The following GALNT14 variants were observed in gnomAD, a reference collection of about 807,000 sequenced individuals.
The protein encoded by GALNT14 is polypeptide N-acetylgalactosaminyltransferase 14, also known as UDP-GalNAc:polypeptide N-acetylgalactosaminyltransferase 14.
A neutral mutation model predicts 77.5 loss-of-function variants in GALNT14; 60 were observed. The observed-to-expected ratio is 0.77, with a 90% CI of 0.63 to 0.96. GALNT14 has a LOEUF of 0.96. GALNT14 is among the 40% of genes least tolerant of loss of function. The pLI is 0.00. For synonymous variants in GALNT14, 280 were observed against 281.7 expected, an observed-to-expected ratio of 0.99 and a Z score of 0.06; for missense variants, 710 against 731.0, an observed-to-expected ratio of 0.97 and a Z score of 0.33.
chr2:31,135,825 G>A (rs967952888), intron 1 of GALNT14, among the ~76,000 whole-genome samples: 2 of 152,122 alleles, frequency 1.3e-5, no homozygotes, highest in Non-Finnish European at 2.9e-5. Flanking sequence ...GCTCATCATA[G>A]CAGCCCCCAA....
chr2:30,984,927 A>G (rs1669202555), intron 2 of GALNT14, among the ~76,000 whole-genome samples: 1 of 152,020 alleles, frequency 6.6e-6, no homozygotes, highest in Non-Finnish European at 1.5e-5. Flanking sequence ...GTGCCTGAAC[A>G]CTGAGGGCAG....
chr2:30,887,638 G>A, the GALNT14 span, among the ~76,000 whole-genome samples: 4 of 152,120 alleles, frequency 2.6e-5, no homozygotes, highest in Non-Finnish European at 5.9e-5. Context: ...CCAGAGATAC[G>A]ATTTGCAATA....
At chr2:30,989,630 A>T (rs6709691) in intron 2 of GALNT14, among the ~76,000 whole-genome samples, 1 of 140,252 alleles carries the variant, frequency 7.1e-6, no homozygotes, top group African/African-American at 2.7e-5. Context: ...TAGTATATAT[A>T]AAAATATATA....
chr2:30,911,402 G>A (rs1403504059), intron 14 of GALNT14, among the ~76,000 whole-genome samples: 2 of 152,200 alleles, frequency 1.3e-5, no homozygotes, highest in African/African-American at 4.8e-5. Flanking sequence ...CGATGGCAGA[G>A]AAGTGGGGAA....
chr2:30,908,962 G>A (rs905530116), downstream of GALNT14, among the ~76,000 whole-genome samples: 1 of 151,746 alleles, frequency 6.6e-6, no homozygotes, highest in African/African-American at 2.4e-5. Flanking sequence ...ATGGGGAAAG[G>A]ATTTGCTATT....
chr2:31,130,778 GTGTGTGCGCGCGCA>G (rs1438505280), intron 1 of GALNT14, among the ~76,000 whole-genome samples: 16 of 140,836 alleles, frequency 1.1e-4, no homozygotes, highest in African/African-American at 4.7e-4. Context: ...GTGTGTGTGT[GTGTGTGCGCGCGCA>G]CCTGTGTGTG....
intron 11 of GALNT14, among the ~76,000 whole-genome samples, chr2:30,927,027 A>T (rs191477388): frequency 1.1e-4 from 17 of 152,222 alleles, no homozygotes; most frequent in Admixed American, 9.2e-4. Context: ...AAGATGTAAG[A>T]CACTGAATAA....
chr2:30,941,700 C>G (rs1300078132), intron 9 of GALNT14, among the ~76,000 whole-genome samples: 1 of 152,136 alleles, frequency 6.6e-6, no homozygotes, highest in Non-Finnish European at 1.5e-5. Context: ...CAAAATATCC[C>G]CAGACCCTCC....
the GALNT14 span, among the ~76,000 whole-genome samples, chr2:30,904,969 A>T: frequency 6.6e-6 from 1 of 151,874 alleles, no homozygotes; most frequent in East Asian, 1.9e-4. Context: ...CTCACACGGC[A>T]GGGTATTCCA....
chr2:30,903,706 G>A, the GALNT14 span, among the ~76,000 whole-genome samples: 1 of 152,210 alleles, frequency 6.6e-6, no homozygotes. Flanking sequence ...ACTAAGATAT[G>A]CCTGTATCCT....
downstream of GALNT14, among the ~76,000 whole-genome samples, chr2:30,906,750 A>G (rs192448808): frequency 1.2e-4 from 19 of 152,302 alleles, no homozygotes; most frequent in Admixed American, 1.1e-3. Context: ...AATCAACAGA[A>G]TATACATTTT....
intron 1 of GALNT14, among the ~76,000 whole-genome samples, chr2:31,003,359 C>G (rs908214356): frequency 1.3e-5 from 2 of 152,164 alleles, no homozygotes; most frequent in African/African-American, 4.8e-5. Context: ...GATGAGTTTA[C>G]TTTTCTGTTC....
At chr2:30,970,324 CCAGCTGTG>C (rs1668271914) in intron 2 of GALNT14, among the ~76,000 whole-genome samples, 1 of 152,196 alleles carries the variant, frequency 6.6e-6, no homozygotes, top group Non-Finnish European at 1.5e-5. Flanking sequence ...ATGTCGAGAA[CCAGCTGTG>C]TGCCCTTGGA....
At chr2:30,989,526 T>G (rs370347999) in intron 2 of GALNT14, among the ~76,000 whole-genome samples, 188 of 139,936 alleles carry the variant, frequency 1.3e-3, no homozygotes, top group Middle Eastern at 0.012. Context: ...CAACTAGAAT[T>G]TGAAAAATAT....
intron 1 of GALNT14, 54 bp from the exon 2 acceptor site, chr2:30,993,061 C>A (rs1223904320): frequency 1.3e-5 from 21 of 1,580,688 alleles, no homozygotes; most frequent in Non-Finnish European, 1.4e-5. Flanking sequence ...CTCCACTAGC[C>A]CCCGTCTGCC....
chr2:31,133,043 C>T (rs1345003956), intron 1 of GALNT14, among the ~76,000 whole-genome samples: 5 of 152,078 alleles, frequency 3.3e-5, no homozygotes, highest in African/African-American at 1.2e-4. Context: ...TTTGACTCCC[C>T]ATGATCTCAT....
chr2:30,927,994 T>A (rs896599624), intron 11 of GALNT14, among the ~76,000 whole-genome samples: 14 of 152,058 alleles, frequency 9.2e-5, no homozygotes, highest in Non-Finnish European at 1.9e-4. Flanking sequence ...GCACAGAAGG[T>A]CTGAGGACAA....
chr2:30,945,403 C>T (rs913282502), intron 7 of GALNT14, among the ~76,000 whole-genome samples: 1 of 152,186 alleles, frequency 6.6e-6, no homozygotes, highest in African/African-American at 2.4e-5. Flanking sequence ...CCCAAACATG[C>T]TCCCTTCTCT....
intron 1 of GALNT14, among the ~76,000 whole-genome samples, chr2:31,036,471 C>T (rs897375885): frequency 3.3e-5 from 5 of 152,154 alleles, no homozygotes; most frequent in Non-Finnish European, 7.3e-5. Context: ...GCATTATAAG[C>T]CTATCAACAC....
Sources: gnomAD v4.1 joint callset for allele counts (sites outside exome capture counted in the v4.1 genomes callset) on GRCh38, gnomAD v4.1.1 for gene constraint, MANE v1.5 for transcripts, NCBI Gene and HGNC (gene_info 2026-07-23, HGNC 2026-07-21) for gene names.